KCNH1: variants seen among roughly 807,000 people sequenced by gnomAD.
The protein encoded by KCNH1 is potassium voltage-gated channel subfamily H member 1, also known as voltage-gated delayed rectifier potassium channel KCNH1.
Under a neutral mutation model 69.2 loss-of-function variants are expected in KCNH1, and 27 were observed. The ratio of observed to expected loss-of-function variants is 0.39; its 90% CI spans 0.29 to 0.54. The LOEUF is 0.54. Among genes scored for constraint, KCNH1 ranks in the 20% least tolerant of loss-of-function variants. The probability of loss-of-function intolerance (pLI) is 0.68; values close to 1 mark genes in which losing one functional copy is unlikely to be tolerated. For missense variants in KCNH1, 798 were observed against 1,261.6 expected, an observed-to-expected ratio of 0.63 and a Z score of 5.57; for synonymous variants, 456 against 487.7, an observed-to-expected ratio of 0.93 and a Z score of 0.86.
At chr1:210,718,410 TG>T (rs368030051) in intron 10 of KCNH1, among the ~76,000 whole-genome samples, 2 of 12,706 alleles carry the variant, frequency 1.6e-4, no homozygotes, top group Non-Finnish European at 2.4e-4. Flanking sequence ...TATGCATATA[TG>T]TATATATATA....
intron 7 of KCNH1, among the ~76,000 whole-genome samples, chr1:210,889,565 C>A (rs901203931): frequency 3.3e-5 from 5 of 152,100 alleles, no homozygotes; most frequent in Non-Finnish European, 4.4e-5. Context: ...GGCAATCAGG[C>A]AAGAGAAAGA....
chr1:211,116,066 G>A (rs1372046036), intron 1 of KCNH1, among the ~76,000 whole-genome samples: 1 of 152,032 alleles, frequency 6.6e-6, no homozygotes, highest in East Asian at 1.9e-4. Flanking sequence ...AGCAAAAGAG[G>A]TCAAGGCTGC....
chr1:210,798,841 T>C (rs1684375064), intron 8 of KCNH1, among the ~76,000 whole-genome samples: 1 of 152,174 alleles, frequency 6.6e-6, no homozygotes, highest in African/African-American at 2.4e-5. Context: ...TAGGGTGTTA[T>C]TTAAAGACAG....
At chr1:211,028,337 C>G (rs1422934473) in intron 5 of KCNH1, among the ~76,000 whole-genome samples, 1 of 151,840 alleles carries the variant, frequency 6.6e-6, no homozygotes, top group East Asian at 1.9e-4. Context: ...ATGTTTATCA[C>G]TAAATGTTTA....
At chr1:211,003,217 G>A (rs1421512557) in intron 6 of KCNH1, among the ~76,000 whole-genome samples, 1 of 152,018 alleles carries the variant, frequency 6.6e-6, no homozygotes, top group Non-Finnish European at 1.5e-5. Context: ...AACCCCATGT[G>A]CTCCTCTAAA....
chr1:210,959,194 C>T (rs1285563188), intron 6 of KCNH1, among the ~76,000 whole-genome samples: 1 of 152,138 alleles, frequency 6.6e-6, no homozygotes, highest in Admixed American at 6.6e-5. Flanking sequence ...TCTGTTGGAG[C>T]TTGCTGGAGG....
intron 6 of KCNH1, among the ~76,000 whole-genome samples, chr1:211,004,992 G>A (rs1033401789): frequency 6.6e-6 from 1 of 151,962 alleles, no homozygotes; most frequent in African/African-American, 2.4e-5. Context: ...AATAAAGTTA[G>A]TAAATTGGCA....
intron 6 of KCNH1, among the ~76,000 whole-genome samples, chr1:210,936,275 T>C (rs1182948620): frequency 1.3e-5 from 2 of 152,212 alleles, no homozygotes; most frequent in African/African-American, 2.4e-5. Flanking sequence ...TTTTCGATGC[T>C]TCCCTCTGAG....
intron 5 of KCNH1, among the ~76,000 whole-genome samples, chr1:211,045,049 T>TATAC (rs1690071216): frequency 1.9e-5 from 2 of 103,840 alleles, no homozygotes; most frequent in South Asian, 6.3e-4. Context: ...GGGATATATA[T>TATAC]ATATATATAT....
chr1:210,997,259 T>G (rs989243861), intron 6 of KCNH1, among the ~76,000 whole-genome samples: 1 of 151,822 alleles, frequency 6.6e-6, no homozygotes, highest in Non-Finnish European at 1.5e-5. Context: ...AGTTAAAAAC[T>G]TTGAAAAAAA....
At chr1:210,805,690 TC>T (rs1470281954) in intron 7 of KCNH1, among the ~76,000 whole-genome samples, 1 of 152,208 alleles carries the variant, frequency 6.6e-6, no homozygotes, top group African/African-American at 2.4e-5. Flanking sequence ...ATCACCGCAA[TC>T]TAAGTTTAGA....
At chr1:210,903,044 A>T (rs1687028236) in intron 7 of KCNH1, among the ~76,000 whole-genome samples, 1 of 152,116 alleles carries the variant, frequency 6.6e-6, no homozygotes, top group Non-Finnish European at 1.5e-5. Context: ...CATTTCAGCT[A>T]TGTGAATGCA....
At chr1:210,978,639 C>T (rs1166824514) in intron 6 of KCNH1, among the ~76,000 whole-genome samples, 1 of 152,190 alleles carries the variant, frequency 6.6e-6, no homozygotes, top group Non-Finnish European at 1.5e-5. Flanking sequence ...AAATCTGTCT[C>T]CCTCAGTGTG....
intron 5 of KCNH1, among the ~76,000 whole-genome samples, chr1:211,040,938 C>G (rs36005892): frequency 0.21 from 32,465 of 152,092 alleles, 3,728 homozygotes; most frequent in Non-Finnish European, 0.26. Flanking sequence ...TGAGCCTCAT[C>G]TTCCCACCTC....
At chr1:211,001,788 G>T (rs1689184817) in intron 6 of KCNH1, among the ~76,000 whole-genome samples, 1 of 152,110 alleles carries the variant, frequency 6.6e-6, no homozygotes, top group Non-Finnish European at 1.5e-5. Context: ...TGATAGACTG[G>T]ATTAACAAAA....
chr1:210,894,343 A>C (rs1604372), intron 7 of KCNH1, among the ~76,000 whole-genome samples: 4 of 152,094 alleles, frequency 2.6e-5, no homozygotes, highest in Admixed American at 1.3e-4. Flanking sequence ...CCTTCTGACT[A>C]CTCAATCCAA....
At chr1:210,771,516 C>T (rs1051227294) in intron 10 of KCNH1, among the ~76,000 whole-genome samples, 5 of 152,140 alleles carry the variant, frequency 3.3e-5, no homozygotes, top group African/African-American at 9.7e-5. Context: ...CAGAACATTG[C>T]GCAGGGCAAT....
chr1:211,097,908 A>T (rs1210058722), intron 3 of KCNH1, among the ~76,000 whole-genome samples: 1 of 152,242 alleles, frequency 6.6e-6, no homozygotes, highest in Non-Finnish European at 1.5e-5. Context: ...GACTGCTTTT[A>T]TTCAGGGTTA....
intron 6 of KCNH1, among the ~76,000 whole-genome samples, chr1:210,991,075 C>T (rs944277336): frequency 6.6e-6 from 1 of 151,940 alleles, no homozygotes; most frequent in African/African-American, 2.4e-5. Flanking sequence ...ATAAAATTAC[C>T]ATATGTCCCA....
Sources: gnomAD v4.1 joint callset for allele counts (sites outside exome capture counted in the v4.1 genomes callset) on GRCh38, gnomAD v4.1.1 for gene constraint, MANE v1.5 for transcripts, NCBI Gene and HGNC (gene_info 2026-07-23, HGNC 2026-07-21) for gene names.